MIDEAS: variants seen among roughly 807,000 people sequenced by gnomAD.
MIDEAS encodes the protein mitotic deacetylase associated SANT domain protein, also known as mitotic deacetylase-associated SANT domain protein.
In MIDEAS, 26 loss-of-function variants were observed where a neutral mutation model predicts 102.7. That is an observed-to-expected ratio of 0.25 (90% CI 0.19 to 0.35). The LOEUF (loss-of-function observed/expected upper bound fraction) is 0.35. MIDEAS is among the 10% of genes least tolerant of loss of function. MIDEAS has a pLI of 1.00. For synonymous variants in MIDEAS, 585 were observed against 591.0 expected (o/e 0.99, Z 0.15); for missense variants, 1,231 against 1,435.6 (o/e 0.86, Z 2.30).
intron 1 of MIDEAS, among the ~76,000 whole-genome samples, chr14:73,751,656 T>C (rs141280173): frequency 4.5e-4 from 69 of 152,276 alleles, no homozygotes; most frequent in African/African-American, 1.3e-3. Flanking sequence ...CCCAACACTT[T>C]GGGAGGCCAA....
In MIDEAS at chr14:73,778,506, G is replaced by A. The variant is rs1018279326; in HGVS notation, c.-248+8596C>T. ...GAGAGATGGTAGAAGAAATCTTGTT[G>A]AGCCTTTCCACCACCTCTAGTGCAA... On this transcript the variant is annotated intron_variant, in intron 1 of 11. Transcript: ENST00000394071. Among the ~76,000 whole-genome samples the A allele has an allele frequency of 3.6e-4, 54 of 151,914 alleles. 3 individuals carry two copies. Among genetic ancestry groups the A allele is most frequent in the African/African-American group, 2.4e-5 (1 of 41,414 alleles).
In MIDEAS at chr14:73,739,128, C is replaced by A. The variant is rs1205160440; in HGVS notation, c.881G>T (p.Gly294Val). The A allele has an allele frequency of 6.2e-7, 1 of 1,611,510 alleles. No individual in the cohort carries two copies. Among genetic ancestry groups the A allele is most frequent in the Non-Finnish European group, 8.5e-7 (1 of 1,178,472 alleles). Reference sequence around the variant, plus strand: ...AGCCAGGTGGGACTGTCCCAGTGGCCCAGCTGGCTGCAGGCCAAAGTCCTG... The same window carrying A: ...AGCCAGGTGGGACTGTCCCAGTGGCACAGCTGGCTGCAGGCCAAAGTCCTG... ...QPQDFGLQPA[G>V]PLGQSHLAHH... is the part of the protein sequence containing the mutation. Residue 294 changes from glycine (G) to valine (V), a missense_variant, in exon 2 of 13, where the codon GGG becomes GTG. Around this residue, in one of 5 missense-constraint regions of MIDEAS, gnomAD observed 758 missense variants for 856.0 expected, o/e 0.89. Coordinates refer to ENST00000423556, the MANE Select transcript of MIDEAS (RefSeq NM_001367710.1).
chr14:73,764,357 A>C (rs1317879166), upstream of MIDEAS, among the ~76,000 whole-genome samples: 7 of 151,166 alleles, frequency 4.6e-5, no homozygotes, highest in Non-Finnish European at 7.4e-5. Context: ...AAAAAAAAAA[A>C]AAAAAACAAA....
chr14:73,721,630 G>A, intron 10 of MIDEAS, 121 bp from the exon 11 acceptor site: 1 of 843,104 alleles, frequency 1.2e-6, no homozygotes. Context: ...GGCTGGCCCA[G>A]CATAGTCTTC....
intron 11 of MIDEAS, among the ~76,000 whole-genome samples, 168 bp from the exon 12 acceptor site, chr14:73,719,669 A>G (rs1232819760): frequency 6.6e-6 from 1 of 151,176 alleles, no homozygotes; most frequent in African/African-American, 2.4e-5. Flanking sequence ...GCCTCCTCCA[A>G]CTCTGCATCT....
chr14:73,733,916 A>AACT (rs1354156104), intron 3 of MIDEAS, among the ~76,000 whole-genome samples: 1 of 151,708 alleles, frequency 6.6e-6, no homozygotes, highest in Non-Finnish European at 1.5e-5. Context: ...GCTGGTCTTG[A>AACT]ACTACTGGCC....
intron 1 of MIDEAS, among the ~76,000 whole-genome samples, chr14:73,741,242 T>C (rs1310516048): frequency 4.6e-5 from 7 of 152,244 alleles, no homozygotes; most frequent in Admixed American, 3.3e-4. Flanking sequence ...CCATTTTTGT[T>C]TCGTAACTTG....
At chr14:73,770,221 A>C (rs771046098) in intron 1 of MIDEAS, among the ~76,000 whole-genome samples, 14 of 152,216 alleles carry the variant, frequency 9.2e-5, no homozygotes, top group Admixed American at 2.6e-4. Context: ...AAAATATGTC[A>C]GGTGAACTTA....
chr14:73,758,330 A>G (rs1474463850), intron 1 of MIDEAS, among the ~76,000 whole-genome samples: 3 of 152,178 alleles, frequency 2.0e-5, no homozygotes, highest in African/African-American at 7.2e-5. Context: ...CGTGTGCCAC[A>G]CCTTTGGTGG....
chr14:73,723,420 G>A (rs890475770), intron 9 of MIDEAS: 3 of 152,312 alleles, frequency 2.0e-5, no homozygotes, highest in African/African-American at 7.2e-5. Flanking sequence ...CCAAAGTGCT[G>A]GAATCACAGG....
At position 73,742,004 on chromosome 14, in the gene MIDEAS, C is replaced by T. The variant is rs148745118; in HGVS notation, c.-247-1749G>A. ...ACAACCTTTCTCTTGCTTTTAAACCCGCATTCCCTGACAGCCAACCTAATT... is the reference window on the plus strand; with the variant it reads ...ACAACCTTTCTCTTGCTTTTAAACCTGCATTCCCTGACAGCCAACCTAATT... On this transcript the variant is annotated intron_variant, in intron 1 of 12. Transcript: ENST00000423556. This position sits in a 1 kb window ranked among gnomAD's most constrained non-coding sequence, Gnocchi z 4.4. Among the ~76,000 whole-genome samples the T allele has an allele frequency of 7.2e-5, 11 of 152,310 alleles. No homozygotes were observed. The East Asian group carries it at 7.7e-4, about 11-fold the overall frequency.
Position 73,780,075 on chromosome 14 carries a change from C to T in MIDEAS, c.-248+7027G>A, listed in dbSNP as rs2053739026. Among the ~76,000 whole-genome samples, 3 of 150,516 alleles carry T rather than the reference C, an allele frequency of 2.0e-5. No individual in the cohort carries two copies. The Admixed American group carries it at 2.0e-4, about 10-fold the overall frequency. On this transcript the variant is annotated intron_variant, in intron 1 of 11. Transcript: ENST00000394071. ...TTTTTTAGTAGAGATGGGGTTTCAC[C>T]GTGTTAGCCAGGATGGTCTCCATCT...
chr14:73,748,887 G>C (rs563303200), intron 1 of MIDEAS, among the ~76,000 whole-genome samples: 1 of 152,010 alleles, frequency 6.6e-6, no homozygotes, highest in East Asian at 1.9e-4. Flanking sequence ...ACCAGTTATA[G>C]ACATGCATGT....
rs540584360 is a variant in MIDEAS at position 73,732,877 on chromosome 14, G to C, written c.1750-2892C>G. On this transcript the variant is annotated intron_variant, in intron 3 of 12. Coordinates refer to ENST00000423556, the MANE Select transcript of MIDEAS (RefSeq NM_001367710.1). The stretch of plus-strand genomic sequence containing the variant: ...AGGCTGAGGCAGGTGGATCGCCTGA[G>C]GTCAGGAGTTCGAGACCAGCCTGGC... 4.1e-5 allele frequency among the ~76,000 whole-genome samples: 6 copies of C among 145,228 alleles called. No individual in the cohort carries two copies. In the East Asian group the frequency reaches 1.2e-3, roughly 30 times the overall value.
chr14:73,745,343 C>G (rs1171185878), intron 1 of MIDEAS, among the ~76,000 whole-genome samples: 1 of 152,258 alleles, frequency 6.6e-6, no homozygotes, highest in Non-Finnish European at 1.5e-5. Context: ...GCCAGCTCCA[C>G]TGTTGCCCTC....
chr14:73,745,832 C>T (rs2053344437), intron 1 of MIDEAS, among the ~76,000 whole-genome samples: 1 of 152,206 alleles, frequency 6.6e-6, no homozygotes, highest in Non-Finnish European at 1.5e-5. Context: ...GATCTGACTC[C>T]CACAAGTGTC....
At position 73,738,719 on chromosome 14, in the gene MIDEAS, G is replaced by A. The variant is rs749627502; in HGVS notation, c.1290C>T (p.Ser430=). ...TGCTCACTGCCCTCATGCCCTCCTC[G>A]CTGCCCATGGCAGGAGCCTCTCGCT... ...GREREAPAMG[S]EEGMRAVSTG... is the part of the protein sequence containing the mutation. Residue 430 remains serine, a synonymous_variant, in exon 2 of 13, where the codon AGC becomes AGT. Coordinates refer to ENST00000423556, the MANE Select transcript of MIDEAS (RefSeq NM_001367710.1). 18 of 1,612,942 alleles carry A rather than the reference G, an allele frequency of 1.1e-5. No individual in the cohort carries two copies. Among genetic ancestry groups the A allele is most frequent in the South Asian group, 4.4e-5 (4 of 90,986 alleles).
chr14:73,759,990 C>G lies in MIDEAS; in HGVS notation c.-475G>C, dbSNP rs2140156567. The G allele has an allele frequency of 6.6e-6, 1 of 152,074 alleles. No homozygotes were observed. The highest frequency in any genetic ancestry group is 1.5e-5 in the Non-Finnish European group (1 of 67,896). The allele number at this position is 152,074 out of a possible 1,614,324, so 9.4% of individuals were successfully genotyped here. A position where few individuals can be genotyped will look rare whatever the true frequency, so the allele number is the denominator to read the frequency against. ...CCGGGCGGGACGCGCGGGCTGTCAC[C>G]CCCCGCTTGCGATGCAGGAGCCTCG... On this transcript the variant is annotated 5_prime_UTR_variant, in exon 1 of 13. Transcript: ENST00000423556. This position sits in a 1 kb window ranked among gnomAD's most constrained non-coding sequence, Gnocchi z 6.7.
upstream of MIDEAS, among the ~76,000 whole-genome samples, chr14:73,763,821 A>C (rs1430913351): frequency 1.3e-5 from 2 of 152,182 alleles, no homozygotes; most frequent in African/African-American, 4.8e-5. Flanking sequence ...ACTGTCACTG[A>C]CCTTCCCTGA....
Sources: allele counts gnomAD v4.1 joint callset (sites outside exome capture counted in the v4.1 genomes callset), GRCh38; gene constraint gnomAD v4.1.1; regional missense constraint gnomAD v4.1.1; non-coding constraint Gnocchi (gnomAD v3.1); transcripts MANE v1.5; gene names NCBI Gene and HGNC (gene_info 2026-07-23, HGNC 2026-07-21).